The following PLA2G7 variants were observed in gnomAD, a reference collection of about 807,000 sequenced individuals.
The protein encoded by PLA2G7 is platelet-activating factor acetylhydrolase.
Under a neutral mutation model 49.6 loss-of-function variants are expected in PLA2G7, and 63 were observed. The observed-to-expected ratio is 1.27, with a 90% CI of 1.04 to 1.57. The LOEUF (loss-of-function observed/expected upper bound fraction) is 1.57, where lower values mean the gene tolerates loss of function less well. Among genes scored for constraint, PLA2G7 ranks in the 40% most tolerant of loss-of-function variants. The pLI is 0.00. For missense variants in PLA2G7, 596 were observed against 521.2 expected (o/e 1.14, Z -1.40); for synonymous variants, 193 against 169.9 (o/e 1.14, Z -1.06).
chr6:46,722,899 G>A lies in PLA2G7; in HGVS notation c.-8C>T. Reference sequence around the variant, plus strand: ...CAATTTGGGTGGCACCATCTTGGGAGCTGAGCAGCAGTTTCAGCTTAGTCT... The same window carrying A: ...CAATTTGGGTGGCACCATCTTGGGAACTGAGCAGCAGTTTCAGCTTAGTCT... On this transcript the variant is annotated 5_prime_UTR_variant, in exon 2 of 12. Coordinates refer to ENST00000274793, the MANE Select transcript of PLA2G7 (RefSeq NM_005084.4). 1 of 1,560,136 alleles carries A rather than the reference G, an allele frequency of 6.4e-7. No homozygotes were observed. Among genetic ancestry groups the A allele is most frequent in the South Asian group, 1.1e-5 (1 of 89,680 alleles).
At chr6:46,708,749 G>A (rs1764912216) in intron 9 of PLA2G7, among the ~76,000 whole-genome samples, 1 of 152,070 alleles carries the variant, frequency 6.6e-6, no homozygotes, top group Admixed American at 6.5e-5. Context: ...CACTGAAATG[G>A]ACTTTTAAGA....
intron 11 of PLA2G7, 75 bp from the exon 12 acceptor site, chr6:46,704,771 A>G (rs1046213598): frequency 1.7e-4 from 149 of 899,434 alleles, no homozygotes; most frequent in Middle Eastern, 9.5e-4. Flanking sequence ...CTAGGTGGCA[A>G]TAAAGATTTA....
Position 46,707,187 on chromosome 6 carries a change from C to T in PLA2G7, c.1040+804G>A, listed in dbSNP as rs148514254. ...GGGAATTTATAAACTCATATTCTTTCTCAACAGGTTAGTATATTGCAGGTC... is the reference window on the plus strand; with the variant it reads ...GGGAATTTATAAACTCATATTCTTTTTCAACAGGTTAGTATATTGCAGGTC... On this transcript the variant is annotated intron_variant, in intron 10 of 11. Transcript: ENST00000274793. Among the ~76,000 whole-genome samples the T allele has an allele frequency of 3.5e-3, 533 of 152,224 alleles. 4 individuals carry two copies. The highest frequency in any genetic ancestry group is 0.031 in the Middle Eastern group (9 of 294).
chr6:46,706,187 C>T (rs1037571713), intron 10 of PLA2G7, among the ~76,000 whole-genome samples: 1 of 152,206 alleles, frequency 6.6e-6, no homozygotes, highest in Non-Finnish European at 1.5e-5. Flanking sequence ...AGTTAAAAGA[C>T]ATCTTCCCAG....
intron 5 of PLA2G7, among the ~76,000 whole-genome samples, 199 bp downstream of exon 5, chr6:46,714,261 A>G (rs894541014): frequency 1.3e-5 from 2 of 152,186 alleles, no homozygotes; most frequent in African/African-American, 2.4e-5. Context: ...GCTAATCCCA[A>G]TGAGCTGATA....
rs780823310 is a variant in PLA2G7 at position 46,708,077 on chromosome 6, G to A, written c.954C>T (p.Asn318=). The A allele has an allele frequency of 8.1e-6, 13 of 1,602,980 alleles. No individual in the cohort carries two copies. The highest frequency in any genetic ancestry group is 1.0e-5 in the Non-Finnish European group (12 of 1,170,120). ...SRIPQPLFFI[N]SEYFQYPANI... is the part of the protein sequence containing the mutation. ...TAGCAGGATATTGGAAATATTCAGAGTTGATAAAAAAGAGGGGCTGAGGAA... is the reference window on the plus strand; with the variant it reads ...TAGCAGGATATTGGAAATATTCAGAATTGATAAAAAAGAGGGGCTGAGGAA... The change falls in exon 10 of 12, where the codon AAC becomes AAT. Residue 318 remains asparagine (N), a synonymous_variant. Coordinates refer to ENST00000274793, the MANE Select transcript of PLA2G7 (RefSeq NM_005084.4).
chr6:46,727,224 G>A (rs778509157), intron 1 of PLA2G7, among the ~76,000 whole-genome samples: 2 of 152,054 alleles, frequency 1.3e-5, no homozygotes, highest in Non-Finnish European at 2.9e-5. Flanking sequence ...CACAAATCCC[G>A]ATTTCCCCTA....
At chr6:46,715,143 AC>A (rs569559262) in intron 4 of PLA2G7, among the ~76,000 whole-genome samples, 4 of 152,318 alleles carry the variant, frequency 2.6e-5, no homozygotes, top group Admixed American at 2.6e-4. Context: ...AAAGGCTGCT[AC>A]TTACTGCCAT....
intron 6 of PLA2G7, 64 bp downstream of exon 6, chr6:46,712,205 A>C (rs1765052487): frequency 2.0e-6 from 2 of 1,008,138 alleles, no homozygotes; most frequent in East Asian, 2.4e-5. Context: ...AATTAGAAAC[A>C]TAGTTATGAG....
chr6:46,723,778 C>T (rs1345756309), intron 1 of PLA2G7, among the ~76,000 whole-genome samples: 1 of 152,142 alleles, frequency 6.6e-6, no homozygotes, highest in Admixed American at 6.5e-5. Flanking sequence ...CCCAACACAG[C>T]AGCCAGAGTG....
At chr6:46,717,960 C>A (rs2150703025) in intron 2 of PLA2G7, among the ~76,000 whole-genome samples, 1 of 152,284 alleles carries the variant, frequency 6.6e-6, no homozygotes, top group South Asian at 2.1e-4. Context: ...TCGTGATCCG[C>A]CCACCTCAGC....
At chr6:46,712,526 T>A (rs1197719630) in intron 5 of PLA2G7, among the ~76,000 whole-genome samples, 189 bp from the exon 6 acceptor site, 1 of 152,166 alleles carries the variant, frequency 6.6e-6, no homozygotes, top group African/African-American at 2.4e-5. Flanking sequence ...TCTGGAGGTA[T>A]TTTCATTATC....
chr6:46,716,017 T>C (rs45477592), intron 4 of PLA2G7, among the ~76,000 whole-genome samples: 1,983 of 152,344 alleles, frequency 0.013, 44 homozygotes, highest in African/African-American at 0.044. Context: ...GCTTCTACTT[T>C]CTTTCTCTTT....
At chr6:46,734,655 T>C (rs1562084030) in intron 1 of PLA2G7, among the ~76,000 whole-genome samples, 1 of 151,766 alleles carries the variant, frequency 6.6e-6, no homozygotes, top group Non-Finnish European at 1.5e-5. Context: ...ACCCCGTCTC[T>C]ACTAAAAATT....
intron 11 of PLA2G7, 30 bp downstream of exon 11, chr6:46,705,123 G>A (rs763307817): frequency 2.6e-5 from 40 of 1,526,408 alleles, no homozygotes; most frequent in Non-Finnish European, 3.2e-5. Flanking sequence ...GATTCATCTG[G>A]TTTAGGTCAT....
At position 46,732,850 on chromosome 6, in the gene PLA2G7, AT is replaced by A. The variant is rs1251998789; in HGVS notation, c.-35+2329del. 2.6e-5 allele frequency among the ~76,000 whole-genome samples: 4 copies of A among 152,304 alleles called. No individual in the cohort carries two copies. In the East Asian group the frequency reaches 7.7e-4, roughly 29 times the overall value. On this transcript the variant is annotated intron_variant, in intron 1 of 11. Transcript: ENST00000274793. ...GAACCCAGAATCATATTCTGAAACA[AT>A]ACAATTTTAGAACTGAATGTTTCTC... is the stretch of plus-strand genomic sequence containing the variant.
chr6:46,705,549 G>C (rs1764789164), intron 10 of PLA2G7, among the ~76,000 whole-genome samples: 1 of 152,120 alleles, frequency 6.6e-6, no homozygotes, highest in Non-Finnish European at 1.5e-5. Context: ...TTGGTATCTT[G>C]ATTTTAGAAG....
intron 2 of PLA2G7, among the ~76,000 whole-genome samples, chr6:46,719,862 T>G (rs953622172): frequency 2.0e-5 from 3 of 152,230 alleles, no homozygotes; most frequent in African/African-American, 7.2e-5. Flanking sequence ...GCTGAGTCCT[T>G]AGGGAAGTTT....
Position 46,704,478 on chromosome 6 carries a change from T to TCTCTCTCTCA in PLA2G7, c.*81_*82insTGAGAGAGAG, listed in dbSNP as rs1441279240. The stretch of plus-strand genomic sequence containing the variant: ...CTCTCTCTCTCTCTCTCTCTCTCTC[T>TCTCTCTCTCA]CACACACACACACACACACACACAC... On this transcript the variant is annotated 3_prime_UTR_variant, in exon 12 of 12. Coordinates refer to ENST00000274793, the MANE Select transcript of PLA2G7 (RefSeq NM_005084.4). 0.029 allele frequency: 2,478 copies of TCTCTCTCTCA among 86,806 alleles called. 13 individuals carry two copies. Among genetic ancestry groups the TCTCTCTCTCA allele is most frequent in the Non-Finnish European group, 0.044 (1,924 of 43,686 alleles). 5.4% of individuals were successfully genotyped at this position (86,806 alleles called of 1,614,324 possible).
Sources: allele counts gnomAD v4.1 joint callset (sites outside exome capture counted in the v4.1 genomes callset), GRCh38; gene constraint gnomAD v4.1.1; transcripts MANE v1.5; gene names NCBI Gene and HGNC (gene_info 2026-07-23, HGNC 2026-07-21).